The following MAPKBP1 variants were observed in gnomAD, a reference collection of about 807,000 sequenced individuals.
MAPKBP1 encodes the protein mitogen-activated protein kinase-binding protein 1.
Under a neutral mutation model 170.5 loss-of-function variants are expected in MAPKBP1, and 71 were observed. That is an observed-to-expected ratio of 0.42 (90% confidence interval 0.34 to 0.51). MAPKBP1 has a LOEUF of 0.51. Ranked by LOEUF, MAPKBP1 falls within the 20% of genes least tolerant of loss-of-function variation. MAPKBP1 has a pLI of 0.06. For missense variants in MAPKBP1, 1,598 were observed against 1,933.0 expected (o/e 0.83, Z 3.25); for synonymous variants, 719 against 757.9 (o/e 0.95, Z 0.84).
At position 41,813,526 on chromosome 15, in the gene MAPKBP1, G is replaced by A. The variant is rs113467878; in HGVS notation, c.820-95G>A. On this transcript the variant is annotated intron_variant, in intron 8 of 30. Coordinates refer to ENST00000457542, the MANE Select transcript of MAPKBP1 (RefSeq NM_014994.3). ...CTTTTCCCTTGCCCCTGCCTTGGCC[G>A]GTCCCTCCTCTTGGCAGGTGGCTGT... 1.4e-3 allele frequency: 2,127 copies of A among 1,525,100 alleles called. 23 individuals are homozygous for A. The African/African-American group carries it at 0.026, about 18-fold the overall frequency. 94.5% of individuals were successfully genotyped at this position (1,525,100 alleles called of 1,614,324 possible). A position where few individuals can be genotyped will look rare whatever the true frequency, so the allele number is the denominator to read the frequency against.
chr15:41,794,589 T>C (rs559880938), intron 2 of MAPKBP1, among the ~76,000 whole-genome samples: 4 of 152,266 alleles, frequency 2.6e-5, no homozygotes, highest in Non-Finnish European at 4.4e-5. Context: ...TTAGATACTT[T>C]GTGGAGAACA....
At chr15:41,789,205 C>A (rs1016929539) in intron 2 of MAPKBP1, among the ~76,000 whole-genome samples, 1 of 152,176 alleles carries the variant, frequency 6.6e-6, no homozygotes. Context: ...GGAATTAGAT[C>A]CTTTTGATGA....
intron 10 of MAPKBP1, 106 bp from the exon 11 acceptor site, chr15:41,815,152 AG>A: frequency 7.3e-7 from 1 of 1,367,630 alleles, no homozygotes; most frequent in Non-Finnish European, 1.0e-6. Context: ...CACTGGGCTA[AG>A]TCCTGGCCAC....
chr15:41,798,511 G>A (rs1010885285), intron 2 of MAPKBP1, among the ~76,000 whole-genome samples: 1 of 151,930 alleles, frequency 6.6e-6, no homozygotes, highest in Non-Finnish European at 1.5e-5. Context: ...TCAAACTTCT[G>A]ACCTCAAGTG....
At chr15:41,811,321 A>C in intron 5 of MAPKBP1, 86 bp downstream of exon 5, 1 of 1,480,582 alleles carries the variant, frequency 6.8e-7, no homozygotes. Context: ...GCCTGCTGTC[A>C]CTTTGGCTTC....
At chr15:41,805,255 T>C (rs2064670297) in intron 3 of MAPKBP1, among the ~76,000 whole-genome samples, 1 of 152,216 alleles carries the variant, frequency 6.6e-6, no homozygotes, top group Admixed American at 6.5e-5. Context: ...CCTACATCCC[T>C]TGGCCGTTGT....
In MAPKBP1 at chr15:41,818,335, G is replaced by C. The variant is rs776907687; in HGVS notation, c.2092+30G>C. The C allele has an allele frequency of 6.4e-7, 1 of 1,570,452 alleles. No homozygotes were observed. Among genetic ancestry groups the C allele is most frequent in the Non-Finnish European group, 8.8e-7 (1 of 1,140,636 alleles). ...GTGTAGCCTGAATCCCCGAGTAGAA[G>C]CTGATACCTGCGTAAACCTGAGTGA... On this transcript the variant is annotated intron_variant, in intron 18 of 30. Coordinates refer to ENST00000457542, the MANE Select transcript of MAPKBP1 (RefSeq NM_014994.3). The surrounding 1 kb of genome is among the most constrained non-coding windows in gnomAD (Gnocchi z 5.2).
intron 5 of MAPKBP1, 178 bp from the exon 6 acceptor site, chr15:41,811,778 TA>T: frequency 1.4e-6 from 1 of 728,692 alleles, no homozygotes; most frequent in Non-Finnish European, 2.4e-6. Context: ...TTCTTCCTGG[TA>T]ATCACTGTTG....
At position 41,813,622 on chromosome 15, in the gene MAPKBP1, C is replaced by T; in HGVS notation, c.821C>T (p.Thr274Ile). 1 of 1,613,810 alleles carries T rather than the reference C, an allele frequency of 6.2e-7. No homozygotes were observed. The highest frequency in any genetic ancestry group is 8.5e-7 in the Non-Finnish European group (1 of 1,179,892). The change falls in exon 9 of 31, where the codon ACC becomes ATC. Residue 274 changes from threonine to isoleucine, a missense_variant and splice_region_variant. By Grantham distance (89) the Thr-to-Ile change is moderately conservative. Around this residue, in one of 6 missense-constraint regions of MAPKBP1, gnomAD observed 430 missense variants for 617.2 expected, o/e 0.70. Coordinates refer to ENST00000457542, the MANE Select transcript of MAPKBP1 (RefSeq NM_014994.3). ...RLLDKWVELR[T>I]TVAHCISVSQ... ...TGAGCTGAGCCACTCTGCCCACAGA[C>T]CACAGTGGCCCACTGCATCTCTGTG...
chr15:41,807,180 T>A (rs945063327), intron 3 of MAPKBP1, among the ~76,000 whole-genome samples: 2 of 152,170 alleles, frequency 1.3e-5, no homozygotes, highest in African/African-American at 4.8e-5. Flanking sequence ...AATTGCCTCA[T>A]TGCCTCTAGC....
chr15:41,820,835 C>G lies in MAPKBP1; in HGVS notation c.2485C>G (p.Gln829Glu), dbSNP rs1461666546. ...CCCACCCCCTACCTCCCACCAGGCA[C>G]AGGAGTCCGTGGGGTTCCTGGACCC... ...SLSHWEMSRA[Q>E]ESVGFLDPAP... is the part of the protein sequence containing the mutation. Residue 829 changes from glutamine to glutamate, a missense_variant, in exon 23 of 31, where the codon CAG becomes GAG. By Grantham distance (29) the Gln-to-Glu change is conservative. Coordinates refer to ENST00000457542, the MANE Select transcript of MAPKBP1 (RefSeq NM_014994.3). 1 of 1,613,440 alleles carries G rather than the reference C, an allele frequency of 6.2e-7. No individual in the cohort carries two copies. The highest frequency in any genetic ancestry group is 1.1e-5 in the South Asian group (1 of 90,950).
intron 2 of MAPKBP1, among the ~76,000 whole-genome samples, chr15:41,793,802 A>G (rs368826248): frequency 1.3e-5 from 2 of 152,210 alleles, no homozygotes; most frequent in Non-Finnish European, 2.9e-5. Flanking sequence ...ACCCAGGTCA[A>G]GGGGCCCATC....
intron 3 of MAPKBP1, among the ~76,000 whole-genome samples, chr15:41,801,145 T>G (rs1328240775): frequency 6.6e-6 from 1 of 152,248 alleles, no homozygotes; most frequent in Non-Finnish European, 1.5e-5. Flanking sequence ...TATCTATTCT[T>G]CAGTTGATGG....
chr15:41,778,545 T>C (rs147815553), intron 2 of MAPKBP1, among the ~76,000 whole-genome samples: 17 of 152,306 alleles, frequency 1.1e-4, no homozygotes, highest in African/African-American at 4.1e-4. Context: ...GTCTCTTCAG[T>C]GGAGTACATT....
In MAPKBP1 at chr15:41,816,912, C is replaced by T. The variant is rs760403775; in HGVS notation, c.1588C>T (p.Leu530=). The part of the protein sequence containing the change: ...CLEYSKPDTG[L]KLLASASRDR... ...TGATGGAGTTCTTTCATCCCCAGGTCTGAAACTGCTAGCATCGGCGAGCCG... is the reference window on the plus strand; with the variant it reads ...TGATGGAGTTCTTTCATCCCCAGGTTTGAAACTGCTAGCATCGGCGAGCCG... Residue 530 remains leucine, a splice_region_variant and synonymous_variant, in exon 14 of 31, where the codon CTG becomes TTG. Transcript: ENST00000457542. 2 of 1,605,634 alleles carry T rather than the reference C, an allele frequency of 1.2e-6. No individual in the cohort carries two copies. The highest frequency in any genetic ancestry group is 2.2e-5 in the South Asian group (2 of 89,876).
intron 2 of MAPKBP1, among the ~76,000 whole-genome samples, chr15:41,797,149 T>G (rs780380155): frequency 6.6e-6 from 1 of 152,154 alleles, no homozygotes; most frequent in Non-Finnish European, 1.5e-5. Context: ...CTCTTTGGAA[T>G]TGGATCATCT....
At chr15:41,790,454 TG>T (rs1283691268) in intron 2 of MAPKBP1, among the ~76,000 whole-genome samples, 2 of 152,214 alleles carry the variant, frequency 1.3e-5, no homozygotes, top group African/African-American at 4.8e-5. Flanking sequence ...CTTTGTTGAC[TG>T]GCCAGGTTTG....
chr15:41,786,250 T>G (rs1459804137), intron 2 of MAPKBP1, among the ~76,000 whole-genome samples: 1 of 152,170 alleles, frequency 6.6e-6, no homozygotes, highest in Non-Finnish European at 1.5e-5. Flanking sequence ...CAGGGAGGGA[T>G]AGTAGATTAT....
At chr15:41,813,525 C>A in intron 8 of MAPKBP1, 96 bp from the exon 9 acceptor site, 2 of 1,525,784 alleles carry the variant, frequency 1.3e-6, no homozygotes, top group East Asian at 4.5e-5. Flanking sequence ...CTGCCTTGGC[C>A]GGTCCCTCCT....
Sources: allele counts gnomAD v4.1 joint callset (sites outside exome capture counted in the v4.1 genomes callset), GRCh38; gene constraint gnomAD v4.1.1; regional missense constraint gnomAD v4.1.1; non-coding constraint Gnocchi (gnomAD v3.1); transcripts MANE v1.5; gene names NCBI Gene and HGNC (gene_info 2026-07-23, HGNC 2026-07-21).